FSTL5: variants seen among roughly 807,000 people sequenced by gnomAD.
The protein encoded by FSTL5 is follistatin like 5, also known as follistatin-related protein 5.
In FSTL5, 62 loss-of-function variants were observed where a neutral mutation model predicts 89.1. That is an observed-to-expected ratio of 0.70 (90% CI 0.57 to 0.86). FSTL5 has a LOEUF of 0.86. Among genes scored for constraint, FSTL5 ranks in the 40% least tolerant of loss-of-function variants. The probability of loss-of-function intolerance (pLI) is 0.00; values close to 1 mark genes in which losing one functional copy is unlikely to be tolerated. For synonymous variants in FSTL5, 383 were observed against 346.2 expected (o/e 1.11, Z -1.18); for missense variants, 1,057 against 1,001.6 (o/e 1.06, Z -0.75).
chr4:162,051,730 A>T (rs1319485536), intron 2 of FSTL5, among the ~76,000 whole-genome samples: 1 of 151,646 alleles, frequency 6.6e-6, no homozygotes, highest in Non-Finnish European at 1.5e-5. Flanking sequence ...ATTATTCAAT[A>T]ACCCTAAAAG....
At chr4:161,536,187 C>A (rs1292836486) in intron 10 of FSTL5, among the ~76,000 whole-genome samples, 2 of 151,802 alleles carry the variant, frequency 1.3e-5, no homozygotes, top group Non-Finnish European at 2.9e-5. Context: ...AACCCCAGCA[C>A]CAAGAAATAT....
At chr4:162,150,206 T>G (rs1733173345) in intron 1 of FSTL5, among the ~76,000 whole-genome samples, 1 of 152,158 alleles carries the variant, frequency 6.6e-6, no homozygotes, top group African/African-American at 2.4e-5. Flanking sequence ...AAGGAAGACT[T>G]TCGACATGGA....
At chr4:161,930,999 G>A (rs904616926) in intron 3 of FSTL5, among the ~76,000 whole-genome samples, 1 of 151,894 alleles carries the variant, frequency 6.6e-6, no homozygotes, top group African/African-American at 2.4e-5. Context: ...ACTTAACTCT[G>A]TCTAGTAGGG....
chr4:161,813,779 G>A (rs359145), intron 4 of FSTL5, among the ~76,000 whole-genome samples: 148,399 of 152,260 alleles, frequency 0.97, 72,416 homozygotes, highest in Non-Finnish European at 1. Flanking sequence ...TCTATATGAT[G>A]AACTGGGAAT....
At chr4:161,619,831 A>AT (rs1161886702) in intron 7 of FSTL5, among the ~76,000 whole-genome samples, 1 of 152,124 alleles carries the variant, frequency 6.6e-6, no homozygotes, top group Non-Finnish European at 1.5e-5. Flanking sequence ...CAGCCATCCC[A>AT]TTACTGGGTA....
intron 6 of FSTL5, among the ~76,000 whole-genome samples, chr4:161,712,701 C>T (rs1246420226): frequency 6.6e-6 from 1 of 151,804 alleles, no homozygotes; most frequent in Non-Finnish European, 1.5e-5. Flanking sequence ...TTGGTGCTGT[C>T]CTCACATTAG....
intron 4 of FSTL5, among the ~76,000 whole-genome samples, chr4:161,904,616 A>G (rs1733468256): frequency 7.4e-6 from 1 of 135,866 alleles, no homozygotes; most frequent in Admixed American, 7.8e-5. Flanking sequence ...AGATATTCAT[A>G]TTTTTAGAAA....
At chr4:162,024,816 A>AT (rs971440086) in intron 3 of FSTL5, among the ~76,000 whole-genome samples, 28 of 151,114 alleles carry the variant, frequency 1.9e-4, no homozygotes, top group African/African-American at 3.9e-4. Context: ...TGCTAGGCTA[A>AT]TTTTTTTTTA....
intron 15 of FSTL5, among the ~76,000 whole-genome samples, chr4:161,452,611 C>T (rs185839031): frequency 4.6e-5 from 7 of 151,726 alleles, no homozygotes; most frequent in Admixed American, 3.9e-4. Flanking sequence ...TTTTTGGAAA[C>T]GCATGTTAAT....
In FSTL5 at chr4:161,759,410, C is replaced by G; in HGVS notation, c.727+1G>C. On this transcript the variant is annotated splice_donor_variant, in intron 6 of 15. Coordinates refer to ENST00000306100, the MANE Select transcript of FSTL5 (RefSeq NM_020116.5). LOFTEE classifies it high-confidence loss of function. The stretch of plus-strand genomic sequence containing the variant: ...AATTGGAGAATGAATCTTGTACTCA[C>G]GGAATGCTCTATAAAATTCTTCAAG... 6.3e-7 allele frequency: 1 copy of G among 1,583,992 alleles called. No individual in the cohort carries two copies. Among genetic ancestry groups the G allele is most frequent in the Non-Finnish European group, 8.6e-7 (1 of 1,168,032 alleles).
intron 4 of FSTL5, among the ~76,000 whole-genome samples, chr4:161,862,332 A>G (rs1226898762): frequency 6.6e-6 from 1 of 152,160 alleles, no homozygotes; most frequent in Non-Finnish European, 1.5e-5. Flanking sequence ...TACAATTTCA[A>G]TTTTAAAGCA....
At chr4:162,032,070 A>G (rs1737551056) in intron 3 of FSTL5, among the ~76,000 whole-genome samples, 1 of 152,198 alleles carries the variant, frequency 6.6e-6, no homozygotes. Flanking sequence ...AAGAAAACAT[A>G]TTCCTAGATA....
At chr4:161,888,983 T>C (rs1372691429) in intron 4 of FSTL5, among the ~76,000 whole-genome samples, 1 of 152,208 alleles carries the variant, frequency 6.6e-6, no homozygotes, top group Admixed American at 6.5e-5. Context: ...TTGTAAATTA[T>C]TACTTGGATT....
At chr4:161,440,171 C>A (rs1049289654) in intron 15 of FSTL5, among the ~76,000 whole-genome samples, 3 of 152,072 alleles carry the variant, frequency 2.0e-5, no homozygotes, top group African/African-American at 7.2e-5. Flanking sequence ...CCACAAAAGG[C>A]ACTAAAAGTG....
At chr4:161,461,914 A>G (rs756703207) in intron 13 of FSTL5, among the ~76,000 whole-genome samples, 16 of 131,014 alleles carry the variant, frequency 1.2e-4, no homozygotes, top group Non-Finnish European at 2.2e-4. Context: ...ATAGCTCAAC[A>G]CAAATGAAAA....
intron 15 of FSTL5, among the ~76,000 whole-genome samples, chr4:161,438,686 T>C (rs1056955575): frequency 3.9e-5 from 6 of 152,196 alleles, no homozygotes; most frequent in African/African-American, 1.4e-4. Context: ...ATCAATACTG[T>C]ACAAGGATTC....
At chr4:161,778,500 C>T (rs1007718242) in intron 4 of FSTL5, among the ~76,000 whole-genome samples, 1 of 152,278 alleles carries the variant, frequency 6.6e-6, no homozygotes, top group South Asian at 2.1e-4. Context: ...GAATCTCATT[C>T]TCTTTCGAGA....
chr4:161,734,234 A>C (rs1338668797), intron 6 of FSTL5, among the ~76,000 whole-genome samples: 3 of 152,184 alleles, frequency 2.0e-5, no homozygotes, highest in Non-Finnish European at 4.4e-5. Context: ...AAAATAAGTA[A>C]AATTTAGATG....
chr4:161,957,654 A>G (rs1036868748), intron 3 of FSTL5, among the ~76,000 whole-genome samples: 1 of 152,140 alleles, frequency 6.6e-6, no homozygotes, highest in African/African-American at 2.4e-5. Context: ...GTCCTTTTCC[A>G]TTAAATATCG....
Sources: gnomAD v4.1 joint callset for allele counts (sites outside exome capture counted in the v4.1 genomes callset) on GRCh38, gnomAD v4.1.1 for gene constraint, MANE v1.5 for transcripts, NCBI Gene and HGNC (gene_info 2026-07-23, HGNC 2026-07-21) for gene names.